ITGA8: variants seen among roughly 807,000 people sequenced by gnomAD.
ITGA8 encodes the protein integrin alpha-8.
Under a neutral mutation model 142.3 loss-of-function variants are expected in ITGA8, and 91 were observed. That is an observed-to-expected ratio of 0.64 (90% confidence interval 0.54 to 0.76). The LOEUF (loss-of-function observed/expected upper bound fraction) is 0.76. ITGA8 is among the 30% of genes least tolerant of loss of function. The pLI is 0.00. For synonymous variants in ITGA8, 505 were observed against 485.2 expected (o/e 1.04, Z -0.54); for missense variants, 1,406 against 1,327.7 (o/e 1.06, Z -0.92).
chr10:15,570,950 GTTAA>G (rs1056774057), intron 25 of ITGA8, among the ~76,000 whole-genome samples: 1 of 152,104 alleles, frequency 6.6e-6, no homozygotes. Flanking sequence ...ATGTAAAAGT[GTTAA>G]TTATTTAAAT....
intron 2 of ITGA8, among the ~76,000 whole-genome samples, chr10:15,711,213 A>G (rs1288119894): frequency 6.6e-6 from 1 of 152,222 alleles, no homozygotes; most frequent in Non-Finnish European, 1.5e-5. Context: ...TATCAAACAC[A>G]TTCGGAACAT....
chr10:15,605,778 AC>A lies in ITGA8; in HGVS notation c.1915del (p.Val639TrpfsTer13). 5.0e-6 allele frequency: 8 copies of A among 1,613,398 alleles called. No individual in the cohort carries two copies. Among genetic ancestry groups the A allele is most frequent in the Non-Finnish European group, 6.8e-6 (8 of 1,179,386 alleles). Reference protein sequence around the residue: ...NIVSEQAHILVDCGEDNLCVP... With the variant: ...NIVSEQAHILXDCGEDNLCVP... ...ACACAGATTGTCTTCTCCACAGTCC[AC>A]CAGAATGTGAGCCTGTGTTGTATAA... On this transcript the variant is annotated frameshift_variant, in exon 19 of 30. Coordinates refer to ENST00000378076, the MANE Select transcript of ITGA8 (RefSeq NM_003638.3). LOFTEE classifies it high-confidence loss of function.
intron 27 of ITGA8, among the ~76,000 whole-genome samples, chr10:15,546,698 GAA>G (rs1359026603): frequency 6.9e-6 from 1 of 145,480 alleles, no homozygotes; most frequent in East Asian, 2.0e-4. Context: ...AGGAAGGAAA[GAA>G]AGAAAATAAA....
At chr10:15,711,148 C>A (rs1340773909) in intron 2 of ITGA8, among the ~76,000 whole-genome samples, 2 of 152,178 alleles carry the variant, frequency 1.3e-5, no homozygotes, top group Non-Finnish European at 2.9e-5. Context: ...ACACAAGGAA[C>A]AACATTTCAT....
chr10:15,668,746 C>G (rs1206975710), intron 8 of ITGA8, among the ~76,000 whole-genome samples: 1 of 152,112 alleles, frequency 6.6e-6, no homozygotes, highest in African/African-American at 2.4e-5. Context: ...ATTTGCTTGT[C>G]TGTAAAGTAT....
intron 10 of ITGA8, 90 bp downstream of exon 10, chr10:15,658,909 T>C: frequency 3.3e-6 from 3 of 906,338 alleles, no homozygotes; most frequent in Non-Finnish European, 5.2e-6. Flanking sequence ...TCATTAAATA[T>C]TTGTCAAATG....
chr10:15,688,408 T>C (rs1209340029), intron 2 of ITGA8, among the ~76,000 whole-genome samples: 1 of 151,062 alleles, frequency 6.6e-6, no homozygotes, highest in Non-Finnish European at 1.5e-5. Context: ...GAGGTGGAGG[T>C]TGCAGTGAAC....
chr10:15,640,726 C>T (rs1229040114), intron 13 of ITGA8, among the ~76,000 whole-genome samples: 2 of 152,146 alleles, frequency 1.3e-5, no homozygotes, highest in Non-Finnish European at 2.9e-5. Context: ...AGGGCAATCA[C>T]AGAAACCTGA....
At chr10:15,701,145 A>G (rs761728263) in intron 2 of ITGA8, among the ~76,000 whole-genome samples, 1 of 152,160 alleles carries the variant, frequency 6.6e-6, no homozygotes, top group Admixed American at 6.5e-5. Flanking sequence ...CTTTTCTTTA[A>G]AAGTCAAATA....
At position 15,718,919 on chromosome 10, in the gene ITGA8, A is replaced by G; in HGVS notation, c.210-20T>C. 6.2e-7 allele frequency: 1 copy of G among 1,613,802 alleles called. No homozygotes were observed. The highest frequency in any genetic ancestry group is 8.5e-7 in the Non-Finnish European group (1 of 1,179,996). The stretch of plus-strand genomic sequence containing the variant: ...CTCGCTCTGCAAAAGAGTTGGAGAA[A>G]GTCACTCTTTGGGCGCCACAAAACC... On this transcript the variant is annotated intron_variant, in intron 1 of 29. Transcript: ENST00000378076.
At chr10:15,625,552 C>T (rs1443927458) in intron 13 of ITGA8, among the ~76,000 whole-genome samples, 2 of 152,190 alleles carry the variant, frequency 1.3e-5, no homozygotes, top group East Asian at 1.9e-4. Context: ...TCCAGAAGAG[C>T]GTGATAGCTC....
chr10:15,598,914 T>G (rs1398627677), intron 20 of ITGA8, among the ~76,000 whole-genome samples: 2 of 152,210 alleles, frequency 1.3e-5, no homozygotes, highest in Non-Finnish European at 1.5e-5. Flanking sequence ...TTAGGTTTAG[T>G]ATGTCTTCAG....
chr10:15,710,795 C>G (rs1179240296), intron 2 of ITGA8, among the ~76,000 whole-genome samples: 1 of 152,200 alleles, frequency 6.6e-6, no homozygotes, highest in Non-Finnish European at 1.5e-5. Context: ...TTGGCTTCCA[C>G]TGCTGTACCT....
chr10:15,581,159 T>C (rs1045157250), intron 23 of ITGA8, among the ~76,000 whole-genome samples: 8 of 152,198 alleles, frequency 5.3e-5, no homozygotes, highest in African/African-American at 1.7e-4. Flanking sequence ...CAATGTGATA[T>C]AGAGTGGAAG....
At chr10:15,668,877 G>C (rs894050323) in intron 8 of ITGA8, among the ~76,000 whole-genome samples, 1 of 152,346 alleles carries the variant, frequency 6.6e-6, no homozygotes, top group East Asian at 1.9e-4. Flanking sequence ...TAGAGTTTCT[G>C]CTGAGAGATT....
intron 25 of ITGA8, among the ~76,000 whole-genome samples, chr10:15,565,657 T>G (rs1335790300): frequency 2.2e-5 from 3 of 136,580 alleles, no homozygotes; most frequent in Non-Finnish European, 4.6e-5. Context: ...TGACGTGATC[T>G]CAGCTCTCTG....
In ITGA8 at chr10:15,617,820, A is replaced by G. The variant is rs576016031; in HGVS notation, c.1400-1261T>C. Among the ~76,000 whole-genome samples, 7 of 152,342 alleles carry G rather than the reference A, an allele frequency of 4.6e-5. No homozygotes were observed. In the South Asian group the frequency reaches 1.4e-3, roughly 32 times the overall value. On this transcript the variant is annotated intron_variant, in intron 13 of 29. Transcript: ENST00000378076. ...ATGTAAGAAAACTGGACCTCCATGG[A>G]ACCAACCTAAGTGTCCATCAACAGT...
chr10:15,658,231 C>T (rs1446249998), intron 10 of ITGA8, among the ~76,000 whole-genome samples: 4 of 152,160 alleles, frequency 2.6e-5, no homozygotes, highest in Admixed American at 6.5e-5. Flanking sequence ...AGTTCATGAG[C>T]GGTGCGGTGG....
chr10:15,581,869 G>A (rs768349887), intron 23 of ITGA8, among the ~76,000 whole-genome samples: 68 of 152,130 alleles, frequency 4.5e-4, no homozygotes, highest in Non-Finnish European at 8.7e-4. Flanking sequence ...ATATAATAAT[G>A]GATTTTCAAC....
Sources: gnomAD v4.1 joint callset for allele counts (sites outside exome capture counted in the v4.1 genomes callset) on GRCh38, gnomAD v4.1.1 for gene constraint, MANE v1.5 for transcripts, NCBI Gene and HGNC (gene_info 2026-07-23, HGNC 2026-07-21) for gene names.